Variants in MAGI1 observed in about 807,000 individuals in gnomAD.
MAGI1 encodes the protein membrane-associated guanylate kinase, WW and PDZ domain-containing protein 1.
MAGI1 carries 58 observed loss-of-function variants against 139.9 expected under a neutral mutation model. The observed-to-expected ratio is 0.41, with a 90% confidence interval of 0.34 to 0.52. The LOEUF is 0.52. Ranked by LOEUF, MAGI1 falls within the 20% of genes least tolerant of loss-of-function variation. The pLI, the probability that MAGI1 is intolerant of heterozygous loss-of-function variation, is 0.12. For synonymous variants in MAGI1, 812 were observed against 737.9 expected, an observed-to-expected ratio of 1.10 and a Z score of -1.63; for missense variants, 1,874 against 1,901.6, an observed-to-expected ratio of 0.99 and a Z score of 0.27.
chr3:65,504,675 G>C (rs115841197), intron 2 of MAGI1, among the ~76,000 whole-genome samples: 1 of 152,182 alleles, frequency 6.6e-6, no homozygotes, highest in Non-Finnish European at 1.5e-5. Context: ...AGCTGATGGA[G>C]TTGACGGTCT....
At chr3:65,841,660 T>C (rs1344139156) in intron 1 of MAGI1, among the ~76,000 whole-genome samples, 1 of 152,094 alleles carries the variant, frequency 6.6e-6, no homozygotes. Context: ...ACTCCTGACC[T>C]CATGATCCAC....
rs528288292 is a variant in MAGI1 at position 66,027,948 on chromosome 3, GC to G, written c.313+10047del. Among the ~76,000 whole-genome samples, 630 of 152,232 alleles carry G rather than the reference GC, an allele frequency of 4.1e-3. 5 individuals carry two copies. Among genetic ancestry groups the G allele is most frequent in the African/African-American group, 0.014 (600 of 41,530 alleles). ...CAAATGTCCCCTGGGGAACAAACTT[GC>G]CCCCAGCTGAGAACCACTGATTCAG... On this transcript the variant is annotated intron_variant, in intron 1 of 22. Coordinates refer to ENST00000402939, the MANE Select transcript of MAGI1 (RefSeq NM_001033057.2).
chr3:65,707,696 A>G (rs2107636395), intron 1 of MAGI1, among the ~76,000 whole-genome samples: 2 of 151,802 alleles, frequency 1.3e-5, no homozygotes, highest in South Asian at 4.2e-4. Context: ...TCTCAAAAAA[A>G]AAAAAAAAAA....
At chr3:65,462,134 T>C (rs1213642951) in intron 5 of MAGI1, among the ~76,000 whole-genome samples, 2 of 152,240 alleles carry the variant, frequency 1.3e-5, no homozygotes, top group Admixed American at 6.5e-5. Context: ...TAGATCCCAT[T>C]TGTCAATTTT....
At chr3:65,757,213 G>C (rs114814805) in intron 1 of MAGI1, among the ~76,000 whole-genome samples, 3,688 of 152,324 alleles carry the variant, frequency 0.024, 71 homozygotes, top group Non-Finnish European at 0.037. Flanking sequence ...GGCACAAGAA[G>C]CACTGACTTA....
intron 1 of MAGI1, among the ~76,000 whole-genome samples, chr3:65,840,038 T>C (rs1451166609): frequency 1.3e-5 from 2 of 152,192 alleles, no homozygotes. Flanking sequence ...GTGGTATACA[T>C]TTTAAACTCA....
Position 65,594,143 on chromosome 3 carries a change from C to T in MAGI1, c.430+27829G>A, listed in dbSNP as rs373429377. Among the ~76,000 whole-genome samples the T allele has an allele frequency of 7.9e-5, 12 of 152,274 alleles. No individual in the cohort carries two copies. The East Asian group carries it at 2.1e-3, about 27-fold the overall frequency. On this transcript the variant is annotated intron_variant, in intron 2 of 22. Coordinates refer to ENST00000402939, the MANE Select transcript of MAGI1 (RefSeq NM_001033057.2). ...AAGAAATAATAATCAGCAACAGCAG[C>T]TCAAGGACTGTATTTGAAAAAACAA...
chr3:65,600,876 T>G (rs1318053225), intron 2 of MAGI1, among the ~76,000 whole-genome samples: 1 of 152,158 alleles, frequency 6.6e-6, no homozygotes, highest in Non-Finnish European at 1.5e-5. Context: ...GTTATGAGAG[T>G]GGGATCTGGG....
chr3:65,636,637 A>G (rs2084634711), intron 1 of MAGI1, among the ~76,000 whole-genome samples: 2 of 152,130 alleles, frequency 1.3e-5, no homozygotes, highest in South Asian at 4.1e-4. Context: ...TCTTGACTAA[A>G]GAGCAAACGG....
rs766479566 is a variant in MAGI1, at chr3:65,379,574, G to A, written c.2702-20C>T. The A allele has an allele frequency of 5.6e-6, 9 of 1,593,084 alleles. No homozygotes were observed. The East Asian group carries it at 2.0e-4, about 36-fold the overall frequency. On this transcript the variant is annotated intron_variant, in intron 16 of 22. Coordinates refer to ENST00000402939, the MANE Select transcript of MAGI1 (RefSeq NM_001033057.2). ...TGGGCACTGTAGCAGAGAGATGCAC[G>A]CGTACATCACCGTGTCCTGCAGCCC...
At chr3:65,519,159 G>C (rs1012075554) in intron 2 of MAGI1, among the ~76,000 whole-genome samples, 2 of 152,040 alleles carry the variant, frequency 1.3e-5, no homozygotes, top group African/African-American at 4.8e-5. Context: ...TATTAGGTTA[G>C]GGCAAACATA....
At chr3:65,633,253 A>C (rs1251821678) in intron 1 of MAGI1, among the ~76,000 whole-genome samples, 1 of 152,170 alleles carries the variant, frequency 6.6e-6, no homozygotes, top group Non-Finnish European at 1.5e-5. Context: ...CACACACCAC[A>C]CATGACTCCA....
chr3:66,033,798 C>T (rs1272665956), intron 1 of MAGI1, among the ~76,000 whole-genome samples: 2 of 152,146 alleles, frequency 1.3e-5, no homozygotes, highest in South Asian at 4.1e-4. Flanking sequence ...CCACAAAATT[C>T]ACCTGCAAAA....
intron 1 of MAGI1, among the ~76,000 whole-genome samples, chr3:65,864,431 C>T (rs968491961): frequency 2.6e-5 from 4 of 152,154 alleles, no homozygotes; most frequent in Non-Finnish European, 5.9e-5. Context: ...GAGGAAGTGG[C>T]CTGCTTTCTT....
At chr3:65,667,300 G>T (rs1027480050) in intron 1 of MAGI1, among the ~76,000 whole-genome samples, 2 of 152,164 alleles carry the variant, frequency 1.3e-5, no homozygotes, top group African/African-American at 4.8e-5. Context: ...GTTTCAAAAT[G>T]ATTTAAATAG....
chr3:65,592,700 G>C (rs532934342), intron 2 of MAGI1, among the ~76,000 whole-genome samples: 1 of 152,272 alleles, frequency 6.6e-6, no homozygotes, highest in Admixed American at 6.5e-5. Context: ...GTTACTTTTG[G>C]AGAGTTGGAC....
intron 1 of MAGI1, among the ~76,000 whole-genome samples, chr3:65,627,053 TC>T (rs1303349374): frequency 1.3e-5 from 2 of 152,198 alleles, no homozygotes; most frequent in Non-Finnish European, 2.9e-5. Context: ...ATAGCAAAGT[TC>T]CGGTCAAAGC....
chr3:65,672,295 C>T (rs569453565), intron 1 of MAGI1, among the ~76,000 whole-genome samples: 16 of 152,318 alleles, frequency 1.1e-4, no homozygotes, highest in South Asian at 8.3e-4. Context: ...CTATCTCCAA[C>T]TCAAAACAAA....
chr3:65,790,412 T>C (rs897206979), intron 1 of MAGI1, among the ~76,000 whole-genome samples: 1 of 152,192 alleles, frequency 6.6e-6, no homozygotes, highest in Non-Finnish European at 1.5e-5. Context: ...TCTGCCTAAA[T>C]AAATCTTTTA....
Sources: gnomAD v4.1 joint callset for allele counts (sites outside exome capture counted in the v4.1 genomes callset) on GRCh38, gnomAD v4.1.1 for gene constraint, MANE v1.5 for transcripts, NCBI Gene and HGNC (gene_info 2026-07-23, HGNC 2026-07-21) for gene names.